The following WSCD1 variants were observed in gnomAD, a reference collection of about 807,000 sequenced individuals.
WSCD1 encodes WSC domain sialate O sulfotransferase 1.
Under a neutral mutation model 60.4 loss-of-function variants are expected in WSCD1, and 41 were observed. That is an observed-to-expected ratio of 0.68 (90% CI 0.53 to 0.88). WSCD1 has a LOEUF of 0.88. Among genes scored for constraint, WSCD1 ranks in the 40% least tolerant of loss-of-function variants. The probability of loss-of-function intolerance (pLI) is 0.00; values close to 1 mark genes in which losing one functional copy is unlikely to be tolerated. For synonymous variants in WSCD1, 361 were observed against 332.5 expected, an observed-to-expected ratio of 1.09 and a Z score of -0.93; for missense variants, 784 against 796.2, an observed-to-expected ratio of 0.98 and a Z score of 0.18.
chr17:6,093,098 C>A (rs1482861624), intron 4 of WSCD1, among the ~76,000 whole-genome samples: 1 of 152,274 alleles, frequency 6.6e-6, no homozygotes, highest in Non-Finnish European at 1.5e-5. Context: ...AAGTCATCAA[C>A]GTCTTCGCCT....
Position 6,081,093 on chromosome 17 carries a change from C to T in WSCD1, c.427+8C>T, listed in dbSNP as rs1220898048. 1 of 1,531,580 alleles carries T rather than the reference C, an allele frequency of 6.5e-7. No individual in the cohort carries two copies. The highest frequency in any genetic ancestry group is 2.5e-5 in the East Asian group (1 of 40,746). The allele number at this position is 1,531,580 out of a possible 1,614,324, so 94.9% of individuals were successfully genotyped here. ...CCGCCATCCACAGCCGAGGTAGGCG[C>T]TCAGCTGCATTTGGGGGAGCTGTTC... On this transcript the variant is annotated splice_region_variant and intron_variant, in intron 2 of 8. Transcript: ENST00000317744.
At chr17:6,087,023 A>G (rs925527251) in intron 2 of WSCD1, among the ~76,000 whole-genome samples, 1 of 152,200 alleles carries the variant, frequency 6.6e-6, no homozygotes, top group African/African-American at 2.4e-5. Flanking sequence ...GGAGACGTGC[A>G]GCGTGTTTAT....
chr17:6,119,091 A>G (rs2150572848), intron 8 of WSCD1, among the ~76,000 whole-genome samples: 1 of 152,220 alleles, frequency 6.6e-6, no homozygotes, highest in South Asian at 2.1e-4. Flanking sequence ...TTCCATCACA[A>G]GGGCCCCACC....
rs1904758963 is a variant in WSCD1 at position 6,122,243 on chromosome 17, G to A, written c.*1582G>A. 6.6e-6 allele frequency: 1 copy of A among 152,272 alleles called. No homozygotes were observed. The highest frequency in any genetic ancestry group is 2.4e-5 in the African/African-American group (1 of 41,458). The allele number at this position is 152,272 out of a possible 1,614,324, so 9.4% of individuals were successfully genotyped here. On this transcript the variant is annotated 3_prime_UTR_variant, in exon 9 of 9. Coordinates refer to ENST00000317744, the MANE Select transcript of WSCD1 (RefSeq NM_015253.2). ...GCACAGGCCGGGGGTGGAAGGCCCA[G>A]TAGAGCTGCCCTTCCCCAGATGGAA...
intron 2 of WSCD1, among the ~76,000 whole-genome samples, chr17:6,083,424 A>G (rs1469587861): frequency 2.0e-5 from 3 of 152,166 alleles, no homozygotes; most frequent in East Asian, 1.9e-4. Context: ...ACAAAGCACG[A>G]CCGAGGTCTG....
chr17:6,115,634 G>A (rs572440578), intron 7 of WSCD1, among the ~76,000 whole-genome samples: 4 of 150,080 alleles, frequency 2.7e-5, no homozygotes, highest in East Asian at 2.0e-4. Flanking sequence ...TCACTCTGTC[G>A]CCCAGGATGG....
intron 4 of WSCD1, among the ~76,000 whole-genome samples, 161 bp from the exon 5 acceptor site, chr17:6,094,941 A>G (rs905080632): frequency 6.6e-6 from 1 of 152,214 alleles, no homozygotes; most frequent in African/African-American, 2.4e-5. Flanking sequence ...GAAGCTCAGC[A>G]TGACTATGTC....
At chr17:6,119,090 A>T (rs1009735065) in intron 8 of WSCD1, among the ~76,000 whole-genome samples, 1 of 152,090 alleles carries the variant, frequency 6.6e-6, no homozygotes, top group Non-Finnish European at 1.5e-5. Context: ...ATTCCATCAC[A>T]AGGGCCCCAC....
chr17:6,074,273 C>T (rs1908713346), intron 1 of WSCD1, among the ~76,000 whole-genome samples: 3 of 152,176 alleles, frequency 2.0e-5, no homozygotes, highest in African/African-American at 7.2e-5. Context: ...ACCCCATTTG[C>T]ATTTCCCAGA....
chr17:6,069,647 G>A (rs570869781), upstream of WSCD1, among the ~76,000 whole-genome samples: 2 of 152,126 alleles, frequency 1.3e-5, no homozygotes, highest in South Asian at 4.2e-4. Flanking sequence ...TTGTAGGGCT[G>A]CAATTCTGTG....
intron 4 of WSCD1, among the ~76,000 whole-genome samples, chr17:6,093,876 G>C (rs1409267236): frequency 1.3e-5 from 2 of 152,202 alleles, no homozygotes; most frequent in African/African-American, 4.8e-5. Context: ...CCTAAGCCCT[G>C]GTGTTTTCCC....
intron 7 of WSCD1, 142 bp downstream of exon 7, chr17:6,111,077 T>C (rs973009509): frequency 6.4e-6 from 5 of 783,952 alleles, no homozygotes; most frequent in Non-Finnish European, 8.6e-6. Context: ...GGAGCCACTG[T>C]GTGCCATACT....
intron 3 of WSCD1, among the ~76,000 whole-genome samples, chr17:6,088,432 G>A (rs1040189286): frequency 2.0e-5 from 3 of 152,110 alleles, no homozygotes; most frequent in African/African-American, 4.8e-5. Context: ...GGGACTCAGC[G>A]TGTGACTTTG....
intron 2 of WSCD1, among the ~76,000 whole-genome samples, chr17:6,087,614 G>T (rs1049696205): frequency 6.6e-6 from 1 of 152,214 alleles, no homozygotes; most frequent in Admixed American, 6.5e-5. Flanking sequence ...AAGGTAGAGA[G>T]GCCTCTCTGA....
chr17:6,100,257 T>C (rs1910721003), intron 5 of WSCD1, among the ~76,000 whole-genome samples: 2 of 152,028 alleles, frequency 1.3e-5, no homozygotes, highest in Admixed American at 6.5e-5. Flanking sequence ...ACCTGTCCAA[T>C]GTGGGAGGGA....
Position 6,118,217 on chromosome 17 carries a change from G to T in WSCD1, c.1375+29G>T. ...ATCAAGGACCTTGCGGTGGGGGTGG[G>T]AGGCTTGTCAGTACAGGTAGGTTGC... On this transcript the variant is annotated intron_variant, in intron 8 of 8. Transcript: ENST00000317744. This position sits in a 1 kb window ranked among gnomAD's most constrained non-coding sequence, Gnocchi z 5.8. The T allele has an allele frequency of 6.2e-7, 1 of 1,610,560 alleles. No homozygotes were observed. The highest frequency in any genetic ancestry group is 1.1e-5 in the South Asian group (1 of 90,782).
rs1904418186 is a variant in WSCD1 at position 6,118,157 on chromosome 17, A to G, written c.1344A>G (p.Gly448=). The part of the protein sequence containing the change: ...EFNRKCAGHL[G]YAADRNWKSK... Reference sequence around the variant, plus strand: ...ACAGAAAATGTGCCGGGCACCTGGGATATGCAGCTGACCGCAACTGGAAGA... The same window carrying G: ...ACAGAAAATGTGCCGGGCACCTGGGGTATGCAGCTGACCGCAACTGGAAGA... The change falls in exon 8 of 9, where the codon GGA becomes GGG. Residue 448 remains glycine (G), a synonymous_variant. Transcript: ENST00000317744. This position sits in a 1 kb window ranked among gnomAD's most constrained non-coding sequence, Gnocchi z 5.8. 2 of 1,614,014 alleles carry G rather than the reference A, an allele frequency of 1.2e-6. No individual in the cohort carries two copies. The highest frequency in any genetic ancestry group is 1.7e-6 in the Non-Finnish European group (2 of 1,180,022).
intron 2 of WSCD1, among the ~76,000 whole-genome samples, chr17:6,083,172 C>T (rs76041405): frequency 0.022 from 3,380 of 152,184 alleles, 97 homozygotes; most frequent in East Asian, 0.12. Flanking sequence ...TATACTTGAC[C>T]GGCAGGAGTC....
intron 2 of WSCD1, among the ~76,000 whole-genome samples, chr17:6,086,908 C>T (rs1241733421): frequency 6.6e-6 from 1 of 152,186 alleles, no homozygotes; most frequent in Non-Finnish European, 1.5e-5. Context: ...TGGCAGGCTG[C>T]TGGGAGGTCC....
Sources: gnomAD v4.1 joint callset for allele counts (sites outside exome capture counted in the v4.1 genomes callset) on GRCh38, gnomAD v4.1.1 for gene constraint, Gnocchi (gnomAD v3.1) non-coding constraint, MANE v1.5 for transcripts, NCBI Gene and HGNC (gene_info 2026-07-23, HGNC 2026-07-21) for gene names.